The following SYTL2 variants were observed in gnomAD, a reference collection of about 807,000 sequenced individuals.
SYTL2 encodes the protein synaptotagmin like 2.
Under a neutral mutation model 198.7 loss-of-function variants are expected in SYTL2, and 165 were observed. That is an observed-to-expected ratio of 0.83 (90% CI 0.73 to 0.94). The LOEUF (loss-of-function observed/expected upper bound fraction) is 0.94, where lower values mean the gene tolerates loss of function less well. Among genes scored for constraint, SYTL2 ranks in the 40% least tolerant of loss-of-function variants. The pLI, the probability that SYTL2 is intolerant of heterozygous loss-of-function variation, is 0.00. For synonymous variants in SYTL2, 966 were observed against 917.7 expected (o/e 1.05, Z -0.95); for missense variants, 2,835 against 2,582.8 (o/e 1.10, Z -2.12).
intron 13 of SYTL2, 31 bp from the exon 14 acceptor site, chr11:85,709,531 CTCTA>C (rs751934984): frequency 7.5e-6 from 12 of 1,602,378 alleles, no homozygotes; most frequent in Non-Finnish European, 1.0e-5. Context: ...TAGTGTTTGT[CTCTA>C]TCTCATTCTT....
At chr11:85,789,281 G>GTATATA (rs543616364) in intron 1 of SYTL2, among the ~76,000 whole-genome samples, 1 of 130,252 alleles carries the variant, frequency 7.7e-6, no homozygotes, top group African/African-American at 2.9e-5. Context: ...GTGTGTGTGT[G>GTATATA]TATATATATA....
At chr11:85,707,690 T>C (rs574968857) in intron 14 of SYTL2, among the ~76,000 whole-genome samples, 159 bp from the exon 15 acceptor site, 1 of 152,306 alleles carries the variant, frequency 6.6e-6, no homozygotes, top group Admixed American at 6.5e-5. Flanking sequence ...CCTTTATACT[T>C]AAATGTGTAA....
intron 1 of SYTL2, among the ~76,000 whole-genome samples, chr11:85,798,104 C>T (rs983091893): frequency 6.6e-6 from 1 of 151,960 alleles, no homozygotes; most frequent in Non-Finnish European, 1.5e-5. Flanking sequence ...AGTGATCCAC[C>T]TGCCTCAGCT....
chr11:85,833,154 G>A, the SYTL2 span, among the ~76,000 whole-genome samples: 414 of 55,342 alleles, frequency 7.5e-3, 5 homozygotes, highest in Middle Eastern at 0.02. Context: ...AAGGAAGGAA[G>A]GAAAGAAAGA....
intron 1 of SYTL2, among the ~76,000 whole-genome samples, chr11:85,809,574 T>A (rs2093004014): frequency 6.6e-6 from 1 of 152,224 alleles, no homozygotes; most frequent in African/African-American, 2.4e-5. Context: ...GAGATTGGAT[T>A]TGAATTCCAG....
At chr11:85,842,250 T>C in the SYTL2 span, among the ~76,000 whole-genome samples, 1 of 152,190 alleles carries the variant, frequency 6.6e-6, no homozygotes, top group Non-Finnish European at 1.5e-5. Flanking sequence ...AACCCTTAGC[T>C]TCTTCCTGTA....
intron 11 of SYTL2, among the ~76,000 whole-genome samples, chr11:85,715,316 G>A (rs533797336): frequency 1.3e-5 from 2 of 152,084 alleles, no homozygotes; most frequent in East Asian, 1.9e-4. Context: ...TTTTCTTATG[G>A]TGAATCACAG....
At chr11:85,796,516 T>C (rs1329011835) in intron 1 of SYTL2, among the ~76,000 whole-genome samples, 1 of 152,204 alleles carries the variant, frequency 6.6e-6, no homozygotes, top group African/African-American at 2.4e-5. Flanking sequence ...ATCTGAGATA[T>C]TATGAAAAAT....
the SYTL2 span, chr11:85,853,694 C>G: frequency 6.5e-6 from 1 of 154,382 alleles, no homozygotes; most frequent in South Asian, 2.0e-4. Flanking sequence ...GAAAAGGGCC[C>G]CAAAGTGACG....
intron 1 of SYTL2, among the ~76,000 whole-genome samples, chr11:85,792,823 C>T (rs2092749896): frequency 6.6e-6 from 1 of 151,628 alleles, no homozygotes; most frequent in Admixed American, 6.6e-5. Context: ...GATCCCCTTC[C>T]TGTGTCCATG....
chr11:85,821,036 T>C, the SYTL2 span, among the ~76,000 whole-genome samples: 1 of 152,336 alleles, frequency 6.6e-6, no homozygotes, highest in South Asian at 2.1e-4. Context: ...AAGTCTGTCC[T>C]CATGAAGTGT....
At chr11:85,784,042 A>C (rs1308561896) in intron 1 of SYTL2, among the ~76,000 whole-genome samples, 2 of 152,152 alleles carry the variant, frequency 1.3e-5, no homozygotes, top group Non-Finnish European at 2.9e-5. Flanking sequence ...TGGCCACAAC[A>C]ACCACGTGCC....
At chr11:85,771,072 TTATAGA>T (rs1186739677) in intron 1 of SYTL2, among the ~76,000 whole-genome samples, 2 of 152,226 alleles carry the variant, frequency 1.3e-5, no homozygotes, top group African/African-American at 2.4e-5. Context: ...ATTTTGTAAC[TTATAGA>T]TATATCAAAT....
intron 2 of SYTL2, among the ~76,000 whole-genome samples, chr11:85,754,219 G>T (rs1292968276): frequency 1.3e-5 from 2 of 152,148 alleles, no homozygotes; most frequent in Non-Finnish European, 2.9e-5. Context: ...TCCATTAAAT[G>T]GATAAAGGTC....
intron 1 of SYTL2, among the ~76,000 whole-genome samples, chr11:85,782,956 C>A (rs1328722935): frequency 6.6e-6 from 1 of 152,226 alleles, no homozygotes; most frequent in Non-Finnish European, 1.5e-5. Context: ...CTCACATTTT[C>A]CTTTCTTCTT....
At chr11:85,729,622 C>G (rs949923079) in intron 7 of SYTL2, among the ~76,000 whole-genome samples, 1 of 152,128 alleles carries the variant, frequency 6.6e-6, no homozygotes, top group African/African-American at 2.4e-5. Flanking sequence ...GCACTAAATG[C>G]CCACAGGAGA....
chr11:85,797,604 G>C (rs1005951584), intron 1 of SYTL2, among the ~76,000 whole-genome samples: 1 of 149,644 alleles, frequency 6.7e-6, no homozygotes, highest in Non-Finnish European at 1.5e-5. Flanking sequence ...TCCAGCCTGG[G>C]AGACAGAGCG....
chr11:85,762,515 A>G (rs949935464), intron 1 of SYTL2, among the ~76,000 whole-genome samples: 4 of 152,206 alleles, frequency 2.6e-5, no homozygotes, highest in Admixed American at 6.5e-5. Flanking sequence ...CCCACTGACC[A>G]TTGACTAAAA....
Position 85,695,190 on chromosome 11 carries a change from T to G in SYTL2, c.*5A>C, listed in dbSNP as rs187391219. On this transcript the variant is annotated 3_prime_UTR_variant, in exon 20 of 20. Transcript: ENST00000359152. ...TTTCAGTGGAGGAGCCAGTGGAATT[T>G]GGGCTCATTTGGAAATCTTGGCAAT... is the stretch of plus-strand genomic sequence containing the variant. 1 of 1,609,832 alleles carries G rather than the reference T, an allele frequency of 6.2e-7. No homozygotes were observed. Among genetic ancestry groups the G allele is most frequent in the East Asian group, 2.2e-5 (1 of 44,782 alleles).
Sources: allele counts gnomAD v4.1 joint callset (sites outside exome capture counted in the v4.1 genomes callset), GRCh38; gene constraint gnomAD v4.1.1; transcripts MANE v1.5; gene names NCBI Gene and HGNC (gene_info 2026-07-23, HGNC 2026-07-21).